RESF1: variants seen among roughly 807,000 people sequenced by gnomAD.
RESF1 encodes the protein gonad expressed transcript.
A neutral mutation model predicts 134.7 loss-of-function variants in RESF1; 65 were observed. The ratio of observed to expected loss-of-function variants is 0.48; its 90% CI spans 0.40 to 0.59. The LOEUF is 0.59. Ranked by LOEUF, RESF1 falls within the 20% of genes least tolerant of loss-of-function variation. The pLI is 0.00. For synonymous variants in RESF1, 762 were observed against 702.2 expected, an observed-to-expected ratio of 1.09 and a Z score of -1.35; for missense variants, 2,274 against 2,002.7, an observed-to-expected ratio of 1.14 and a Z score of -2.59.
At chr12:31,992,258 C>CT (rs1332100416) in intron 5 of RESF1, 120 bp from the exon 6 acceptor site, 14 of 831,928 alleles carry the variant, frequency 1.7e-5, no homozygotes, top group South Asian at 3.4e-5. Context: ...GAAACTTTTG[C>CT]TTAACTCCTT....
rs766023304 is a variant in RESF1 at position 31,981,889 on chromosome 12, C to T, written c.934C>T (p.Leu312=). ...GGAAGTTCCTCAGAGTCGAGAAATG[C>T]TGTCATCTGAAATAAGGACCAGCTT... ...SMEVPQSREM[L]SSEIRTSFQQ... is the part of the protein sequence containing the mutation. Residue 312 remains leucine (L), a synonymous_variant, in exon 4 of 6, where the codon CTG becomes TTG. Transcript: ENST00000312561. 2.8e-5 allele frequency: 45 copies of T among 1,613,992 alleles called. No homozygotes were observed. The African/African-American group carries it at 5.7e-4, about 21-fold the overall frequency.
chr12:31,992,749 G>A lies in RESF1; in HGVS notation c.*214G>A. On this transcript the variant is annotated 3_prime_UTR_variant, in exon 6 of 6. Transcript: ENST00000312561. ...TGGATGGTATTCACCGGGGAAACAA[G>A]GTATTTGAATTTCTACTTTATTGAA... 1.9e-6 allele frequency: 1 copy of A among 531,736 alleles called. No homozygotes were observed. The highest frequency in any genetic ancestry group is 3.3e-6 in the Non-Finnish European group (1 of 299,412). The allele number at this position is 531,736 out of a possible 1,614,324, so 32.9% of individuals were successfully genotyped here.
Position 31,981,985 on chromosome 12 carries a change from A to G in RESF1, c.1030A>G (p.Thr344Ala), listed in dbSNP as rs1207781702. 5.0e-6 allele frequency: 8 copies of G among 1,614,086 alleles called. No homozygotes were observed. In the South Asian group the frequency reaches 5.5e-5, roughly 11 times the overall value. Residue 344 changes from threonine to alanine, a missense_variant, in exon 4 of 6, where the codon ACC becomes GCC. Physicochemically the swap from Thr to Ala is moderately conservative, Grantham distance 58. Transcript: ENST00000312561. ...AAATTTCACTAACTTGAAAGTAAAT[A>G]CCAACAGCAAACAGCCTTTTAACAG... ...IGNFTNLKVN[T>A]NSKQPFNSPI... is the part of the protein sequence containing the mutation.
chr12:31,971,318 A>T (rs941478743), intron 3 of RESF1, among the ~76,000 whole-genome samples: 22 of 152,104 alleles, frequency 1.4e-4, no homozygotes, highest in Admixed American at 4.6e-4. Flanking sequence ...AATTTTTTGT[A>T]TTTGGTGGAG....
chr12:31,981,590 G>C lies in RESF1; in HGVS notation c.635G>C (p.Arg212Thr). ...ISKGLTYPDY[R>T]PPPKLYRYSP... Reference sequence around the variant, plus strand: ...AAGGGACTGACTTACCCAGATTACAGACCACCTCCAAAGCTATACCGTTAC... The same window carrying C: ...AAGGGACTGACTTACCCAGATTACACACCACCTCCAAAGCTATACCGTTAC... The change falls in exon 4 of 6, where the codon AGA becomes ACA. Residue 212 changes from arginine to threonine, a missense_variant. Coordinates refer to ENST00000312561, the MANE Select transcript of RESF1 (RefSeq NM_018169.4). The C allele has an allele frequency of 6.2e-7, 1 of 1,614,060 alleles. No homozygotes were observed. Among genetic ancestry groups the C allele is most frequent in the Non-Finnish European group, 8.5e-7 (1 of 1,180,008 alleles).
intron 5 of RESF1, among the ~76,000 whole-genome samples, chr12:31,989,993 A>G (rs970886474): frequency 6.6e-6 from 1 of 152,214 alleles, no homozygotes; most frequent in Non-Finnish European, 1.5e-5. Flanking sequence ...TGGGAAAACA[A>G]TGCCTCTCGG....
chr12:31,963,331 C>T lies in RESF1; in HGVS notation c.-247+2460C>T, dbSNP rs180925066. ...CTGCACTCCAGCCTGGACGACAGAG[C>T]GAGACTGTCTCAAAAAAAAAAAAAA... On this transcript the variant is annotated intron_variant, in intron 2 of 5. Coordinates refer to ENST00000312561, the MANE Select transcript of RESF1 (RefSeq NM_018169.4). 1.4e-3 allele frequency among the ~76,000 whole-genome samples: 202 copies of T among 146,614 alleles called. 2 individuals carry two copies. The highest frequency in any genetic ancestry group is 4.9e-3 in the African/African-American group (189 of 38,944).
At chr12:31,974,365 G>T (rs912976781) in intron 3 of RESF1, among the ~76,000 whole-genome samples, 2 of 152,026 alleles carry the variant, frequency 1.3e-5, no homozygotes, top group African/African-American at 4.8e-5. Flanking sequence ...ATTTCTTATC[G>T]TGGGCTACTA....
Position 31,982,955 on chromosome 12 carries a change from G to C in RESF1, c.2000G>C (p.Ser667Thr). The C allele has an allele frequency of 6.2e-7, 1 of 1,614,098 alleles. No individual in the cohort carries two copies. Among genetic ancestry groups the C allele is most frequent in the Non-Finnish European group, 8.5e-7 (1 of 1,180,000 alleles). Residue 667 changes from serine to threonine, a missense_variant, in exon 4 of 6, where the codon AGC becomes ACC. Physicochemically the swap from Ser to Thr is moderately conservative, Grantham distance 58. Coordinates refer to ENST00000312561, the MANE Select transcript of RESF1 (RefSeq NM_018169.4). ...TKGMPAKSDS[S>T]CSMEVLATCL... Reference sequence around the variant, plus strand: ...GGAATGCCTGCTAAAAGTGACAGTAGCTGTTCCATGGAAGTGCTAGCAACC... The same window carrying C: ...GGAATGCCTGCTAAAAGTGACAGTACCTGTTCCATGGAAGTGCTAGCAACC...
In RESF1 at chr12:31,982,444, T is replaced by C. The variant is rs1328726653; in HGVS notation, c.1489T>C (p.Phe497Leu). ...CATTCAGGAAGTCAATTGCAGAAGGTTTAACCAAGTTGATTCTGTTTTACC... is the reference window on the plus strand; with the variant it reads ...CATTCAGGAAGTCAATTGCAGAAGGCTTAACCAAGTTGATTCTGTTTTACC... Reference protein sequence around the residue: ...SDIQEVNCRRFNQVDSVLPNP... With the variant: ...SDIQEVNCRRLNQVDSVLPNP... Residue 497 changes from phenylalanine to leucine, a missense_variant, in exon 4 of 6, where the codon TTT becomes CTT. Phe to Leu is a conservative substitution (Grantham distance 22). Coordinates refer to ENST00000312561, the MANE Select transcript of RESF1 (RefSeq NM_018169.4). 6.2e-7 allele frequency: 1 copy of C among 1,613,898 alleles called. No individual in the cohort carries two copies. Among genetic ancestry groups the C allele is most frequent in the Admixed American group, 1.7e-5 (1 of 60,026 alleles).
At chr12:31,987,622 G>A (rs577029623) in intron 5 of RESF1, among the ~76,000 whole-genome samples, 2 of 152,214 alleles carry the variant, frequency 1.3e-5, no homozygotes, top group African/African-American at 4.8e-5. Flanking sequence ...GGTTTTCTGG[G>A]TCATAAGGTG....
At position 31,992,489 on chromosome 12, in the gene RESF1, A is replaced by T. The variant is rs577292464; in HGVS notation, c.5198A>T (p.Tyr1733Phe). The change falls in exon 6 of 6, where the codon TAC (tyrosine) becomes TTC (phenylalanine). Residue 1733 changes from tyrosine to phenylalanine, a missense_variant. Coordinates refer to ENST00000312561, the MANE Select transcript of RESF1 (RefSeq NM_018169.4). Reference protein sequence around the residue: ...KEMFQTYKQMYLEKRSRSLGS... With the variant: ...KEMFQTYKQMFLEKRSRSLGS... ...ATGTTTCAAACCTACAAACAGATGTACCTGGAGAAGAGAAGCAGAAGCCTT... is the reference window on the plus strand; with the variant it reads ...ATGTTTCAAACCTACAAACAGATGTTCCTGGAGAAGAGAAGCAGAAGCCTT... 3.9e-5 allele frequency: 63 copies of T among 1,613,946 alleles called. No homozygotes were observed. The highest frequency in any genetic ancestry group is 5.2e-5 in the Non-Finnish European group (61 of 1,179,970).
rs756631544 is a variant in RESF1, at chr12:31,982,711, G to T, written c.1756G>T (p.Ala586Ser). Reference sequence around the variant, plus strand: ...TCAAAATGAAAATATGCTACTTCTCGCTTTGCTTTCACAGGCACGTAAGAC... The same window carrying T: ...TCAAAATGAAAATATGCTACTTCTCTCTTTGCTTTCACAGGCACGTAAGAC... ...KIQNENMLLL[A>S]LLSQARKTQK... The change falls in exon 4 of 6, where the codon GCT (alanine) becomes TCT (serine). Residue 586 changes from alanine (A) to serine (S), a missense_variant. Physicochemically the swap from Ala to Ser is moderately conservative, Grantham distance 99 (BLOSUM62 1). Coordinates refer to ENST00000312561, the MANE Select transcript of RESF1 (RefSeq NM_018169.4). 6.2e-7 allele frequency: 1 copy of T among 1,613,662 alleles called. No individual in the cohort carries two copies. The highest frequency in any genetic ancestry group is 8.5e-7 in the Non-Finnish European group (1 of 1,179,800).
In RESF1 at chr12:31,985,039, A is replaced by G; in HGVS notation, c.4084A>G (p.Ile1362Val). 1 of 1,586,262 alleles carries G rather than the reference A, an allele frequency of 6.3e-7. No homozygotes were observed. Among genetic ancestry groups the G allele is most frequent in the Non-Finnish European group, 8.5e-7 (1 of 1,172,426 alleles). The change falls in exon 4 of 6, where the codon ATA becomes GTA. Residue 1362 changes from isoleucine (I) to valine (V), a missense_variant. Transcript: ENST00000312561. Reference sequence around the variant, plus strand: ...GGGACAGTCATTATCACCAGAAAAGATAAAATTGAAACTCAAATCAGTTAG... The same window carrying G: ...GGGACAGTCATTATCACCAGAAAAGGTAAAATTGAAACTCAAATCAGTTAG... The part of the protein sequence containing the change: ...SLGQSLSPEK[I>V]KLKLKSVSFK...
Position 31,984,844 on chromosome 12 carries a change from T to A in RESF1, c.3889T>A (p.Leu1297Met). The A allele has an allele frequency of 1.3e-5, 21 of 1,601,956 alleles. No individual in the cohort carries two copies. Among genetic ancestry groups the A allele is most frequent in the Non-Finnish European group, 1.8e-5 (21 of 1,177,186 alleles). Residue 1297 changes from leucine to methionine, a missense_variant, in exon 4 of 6, where the codon TTG becomes ATG. Leu to Met is a conservative substitution (Grantham distance 15, BLOSUM62 2). Transcript: ENST00000312561. The part of the protein sequence containing the change: ...NPLQNHKRKK[L>M]RFHEVTFHSS... Reference sequence around the variant, plus strand: ...CTTGCAAAATCACAAAAGAAAAAAATTGAGGTTTCACGAGGTAACCTTTCA... The same window carrying A: ...CTTGCAAAATCACAAAAGAAAAAAAATGAGGTTTCACGAGGTAACCTTTCA...
At chr12:31,964,275 TC>T (rs1939347567) in intron 2 of RESF1, among the ~76,000 whole-genome samples, 1 of 151,836 alleles carries the variant, frequency 6.6e-6, no homozygotes, top group African/African-American at 2.4e-5. Flanking sequence ...TGTTTTTTTT[TC>T]AAATCCTCTC....
In RESF1 at chr12:31,985,254, G is replaced by A. The variant is rs184270661; in HGVS notation, c.4299G>A (p.Thr1433=). 1.7e-5 allele frequency: 27 copies of A among 1,610,344 alleles called. No individual in the cohort carries two copies. Among genetic ancestry groups the A allele is most frequent in the South Asian group, 4.4e-5 (4 of 89,900 alleles). ...TATCAAATACTAAGTCTGTAGACAC[G>A]AAAGCGAGTTCATCTAAATTTAGTA... The part of the protein sequence containing the change: ...KMVSNTKSVD[T]KASSSKFSRI... Residue 1433 remains threonine (T), a synonymous_variant, in exon 4 of 6, where the codon ACG becomes ACA. Coordinates refer to ENST00000312561, the MANE Select transcript of RESF1 (RefSeq NM_018169.4).
intron 1 of RESF1, 132 bp downstream of exon 1, chr12:31,959,623 C>G (rs1033535652): frequency 7.9e-5 from 12 of 151,724 alleles, no homozygotes; most frequent in African/African-American, 2.9e-4. Flanking sequence ...TGTTCTGCGG[C>G]AAAGACGCAG....
intron 3 of RESF1, among the ~76,000 whole-genome samples, chr12:31,973,025 A>G (rs1193054414): frequency 6.6e-6 from 1 of 151,652 alleles, no homozygotes; most frequent in Non-Finnish European, 1.5e-5. Flanking sequence ...TTTTCACTGT[A>G]TTTTTTGTAA....
Sources: allele counts gnomAD v4.1 joint callset (sites outside exome capture counted in the v4.1 genomes callset), GRCh38; gene constraint gnomAD v4.1.1; transcripts MANE v1.5; gene names NCBI Gene and HGNC (gene_info 2026-07-23, HGNC 2026-07-21).